Variants in PTPRR observed in about 807,000 individuals in gnomAD.
PTPRR encodes the protein protein tyrosine phosphatase receptor type R.
In PTPRR, 38 loss-of-function variants were observed where a neutral mutation model predicts 77.2. The observed-to-expected ratio is 0.49, with a 90% CI of 0.38 to 0.65. PTPRR has a LOEUF of 0.65. Among genes scored for constraint, PTPRR ranks in the 30% least tolerant of loss-of-function variants. The pLI is 0.00. For missense variants in PTPRR, 744 were observed against 799.2 expected, an observed-to-expected ratio of 0.93 and a Z score of 0.83; for synonymous variants, 299 against 283.1, an observed-to-expected ratio of 1.06 and a Z score of -0.57.
At chr12:70,771,355 A>G (rs1890972417) in intron 2 of PTPRR, among the ~76,000 whole-genome samples, 2 of 151,944 alleles carry the variant, frequency 1.3e-5, no homozygotes, top group South Asian at 2.1e-4. Context: ...TTGAGTACCC[A>G]TGGACATAAA....
chr12:70,891,673 C>A (rs1222088159), intron 2 of PTPRR, among the ~76,000 whole-genome samples: 2 of 151,816 alleles, frequency 1.3e-5, no homozygotes, highest in Non-Finnish European at 2.9e-5. Flanking sequence ...GAAACTAGAT[C>A]ATAATAAATA....
chr12:70,705,496 T>C lies in PTPRR; in HGVS notation c.1008-4173A>G, dbSNP rs980169977. Among the ~76,000 whole-genome samples the C allele has an allele frequency of 1.1e-4, 15 of 132,000 alleles. No homozygotes were observed. In the Admixed American group the frequency reaches 1.2e-3, roughly 10 times the overall value. The allele number at this position is 132,000 out of a possible 152,430, so 86.6% of individuals were successfully genotyped here. Reference sequence around the variant, plus strand: ...GCAGTATACCTCATTTAGCAACCAATAAAGAATGGAAATGGAAGAGGACAA... The same window carrying C: ...GCAGTATACCTCATTTAGCAACCAACAAAGAATGGAAATGGAAGAGGACAA... On this transcript the variant is annotated intron_variant, in intron 6 of 13. Transcript: ENST00000283228.
intron 8 of PTPRR, among the ~76,000 whole-genome samples, chr12:70,694,258 A>T (rs1343605406): frequency 6.6e-6 from 1 of 152,186 alleles, no homozygotes; most frequent in Non-Finnish European, 1.5e-5. Context: ...TTTAAATATA[A>T]AATGATGACC....
At position 70,745,902 on chromosome 12, in the gene PTPRR, C is replaced by T. The variant is rs756672375; in HGVS notation, c.923G>A (p.Arg308Gln). Residue 308 changes from arginine to glutamine, a missense_variant, in exon 6 of 14, where the codon CGA becomes CAA. Transcript: ENST00000283228. ...GGTAGCTTTGATCTCAGGAGCACCT[C>T]GGCCTTGAGGGTCCACGACAACATT... ...VLNVVVDPQG[R>Q]GAPEIKATTA... 19 of 1,614,058 alleles carry T rather than the reference C, an allele frequency of 1.2e-5. No individual in the cohort carries two copies. The highest frequency in any genetic ancestry group is 4.4e-5 in the South Asian group (4 of 91,086).
At chr12:70,895,556 TC>T (rs1295915852) in intron 1 of PTPRR, among the ~76,000 whole-genome samples, 1 of 151,584 alleles carries the variant, frequency 6.6e-6, no homozygotes, top group Admixed American at 6.6e-5. Flanking sequence ...ATATTAGGTG[TC>T]CTACCACAAT....
intron 2 of PTPRR, among the ~76,000 whole-genome samples, chr12:70,858,153 A>T (rs913593107): frequency 1.3e-5 from 2 of 151,790 alleles, no homozygotes; most frequent in African/African-American, 4.9e-5. Flanking sequence ...GTCTGGCTAC[A>T]CTGCAGTGTG....
chr12:70,680,872 G>A (rs1428825424), intron 10 of PTPRR, among the ~76,000 whole-genome samples: 2 of 152,146 alleles, frequency 1.3e-5, no homozygotes, highest in Non-Finnish European at 1.5e-5. Context: ...GTGCACCAGG[G>A]ACATGCAGGG....
chr12:70,721,065 A>T (rs1889233448), intron 6 of PTPRR, among the ~76,000 whole-genome samples: 1 of 152,066 alleles, frequency 6.6e-6, no homozygotes, highest in African/African-American at 2.4e-5. Context: ...CCACAAAAAC[A>T]CTCGTGCCAT....
chr12:70,721,449 G>A (rs896066884), intron 6 of PTPRR, among the ~76,000 whole-genome samples: 3 of 152,180 alleles, frequency 2.0e-5, no homozygotes, highest in East Asian at 1.9e-4. Flanking sequence ...GCAGGCACAC[G>A]GTGGATAGCT....
chr12:70,742,290 GC>G (rs1890072808), intron 6 of PTPRR, among the ~76,000 whole-genome samples: 1 of 152,136 alleles, frequency 6.6e-6, no homozygotes, highest in Admixed American at 6.5e-5. Flanking sequence ...ATGACATCTA[GC>G]AAAAAAGCTT....
chr12:70,734,267 A>G (rs1205870076), intron 6 of PTPRR, among the ~76,000 whole-genome samples: 1 of 152,222 alleles, frequency 6.6e-6, no homozygotes, highest in Non-Finnish European at 1.5e-5. Flanking sequence ...TGAAACTCTA[A>G]TTAATCACAT....
intron 6 of PTPRR, among the ~76,000 whole-genome samples, chr12:70,719,914 CAA>C (rs1416044593): frequency 3.3e-5 from 5 of 152,192 alleles, no homozygotes; most frequent in African/African-American, 1.2e-4. Flanking sequence ...GACAGAGAAA[CAA>C]TGCTCAAATG....
chr12:70,664,790 C>T (rs994762464), intron 10 of PTPRR: 6 of 152,164 alleles, frequency 3.9e-5, no homozygotes, highest in African/African-American at 1.4e-4. Flanking sequence ...ATTCAAACAA[C>T]CCTTAATTAG....
At chr12:70,761,234 C>T (rs1256252514) in intron 4 of PTPRR, among the ~76,000 whole-genome samples, 1 of 152,012 alleles carries the variant, frequency 6.6e-6, no homozygotes, top group Non-Finnish European at 1.5e-5. Context: ...AGTTATAAGG[C>T]CACAAAGGTT....
intron 10 of PTPRR, chr12:70,672,775 A>C: frequency 4.5e-6 from 7 of 1,559,102 alleles, no homozygotes; most frequent in Non-Finnish European, 6.1e-6. Flanking sequence ...TGGTGTATTC[A>C]GGAAACCTTC....
chr12:70,698,454 TA>T, intron 7 of PTPRR, 105 bp from the exon 8 acceptor site: 5 of 885,258 alleles, frequency 5.6e-6, no homozygotes, highest in Non-Finnish European at 8.9e-6. Context: ...CAAAGCCACT[TA>T]AAAACAACAG....
intron 2 of PTPRR, among the ~76,000 whole-genome samples, chr12:70,806,265 C>G (rs1891707724): frequency 6.6e-6 from 1 of 152,124 alleles, no homozygotes; most frequent in Admixed American, 6.6e-5. Flanking sequence ...TAGACAGACT[C>G]TAGAGAGAGA....
At chr12:70,788,679 G>A (rs2137007238) in intron 2 of PTPRR, 2 of 679,734 alleles carry the variant, frequency 2.9e-6, no homozygotes, top group Admixed American at 2.7e-5. Context: ...TATTTCCCTA[G>A]ATATCACATA....
intron 2 of PTPRR, among the ~76,000 whole-genome samples, chr12:70,836,967 A>G (rs546672907): frequency 6.6e-6 from 1 of 152,238 alleles, no homozygotes; most frequent in South Asian, 2.1e-4. Context: ...TCACTAAACT[A>G]TAAGTTCTCT....
Sources: gnomAD v4.1 joint callset for allele counts (sites outside exome capture counted in the v4.1 genomes callset) on GRCh38, gnomAD v4.1.1 for gene constraint, MANE v1.5 for transcripts, NCBI Gene and HGNC (gene_info 2026-07-23, HGNC 2026-07-21) for gene names.